The following CNTN5 variants were observed in gnomAD, a reference collection of about 807,000 sequenced individuals.
CNTN5 encodes contactin 5.
A neutral mutation model predicts 129.1 loss-of-function variants in CNTN5; 77 were observed. That is an observed-to-expected ratio of 0.60 (90% CI 0.50 to 0.72). The LOEUF (loss-of-function observed/expected upper bound fraction) is 0.72. Ranked by LOEUF, CNTN5 falls within the 30% of genes least tolerant of loss-of-function variation. CNTN5 has a pLI of 0.00. For synonymous variants in CNTN5, 509 were observed against 465.6 expected (o/e 1.09, Z -1.20); for missense variants, 1,478 against 1,328.8 (o/e 1.11, Z -1.75).
intron 15 of CNTN5, among the ~76,000 whole-genome samples, chr11:100,206,207 G>C (rs1397654256): frequency 6.6e-6 from 1 of 152,084 alleles, no homozygotes; most frequent in Non-Finnish European, 1.5e-5. Context: ...AACAGAGTAA[G>C]TTTTGCAGAC....
intron 1 of CNTN5, among the ~76,000 whole-genome samples, chr11:99,284,527 A>G (rs1454542382): frequency 6.6e-6 from 1 of 151,100 alleles, no homozygotes; most frequent in African/African-American, 2.4e-5. Flanking sequence ...CCAGTGGTCT[A>G]TTTAGGACCT....
intron 1 of CNTN5, among the ~76,000 whole-genome samples, chr11:99,052,697 C>T (rs1591109969): frequency 6.6e-6 from 1 of 151,798 alleles, no homozygotes; most frequent in Non-Finnish European, 1.5e-5. Flanking sequence ...ACTCTCACCT[C>T]TGAAAGACAT....
intron 9 of CNTN5, among the ~76,000 whole-genome samples, chr11:100,012,848 G>A (rs1940608573): frequency 6.6e-6 from 1 of 152,120 alleles, no homozygotes. Flanking sequence ...TCCCCAAATT[G>A]TAAGATTTTT....
At chr11:99,034,384 G>T (rs1863586955) in intron 1 of CNTN5, among the ~76,000 whole-genome samples, 1 of 151,682 alleles carries the variant, frequency 6.6e-6, no homozygotes, top group African/African-American at 2.4e-5. Flanking sequence ...ATTCGGCTGT[G>T]AATCCATCTG....
chr11:99,858,417 G>C (rs140897533), intron 6 of CNTN5, among the ~76,000 whole-genome samples: 2 of 152,036 alleles, frequency 1.3e-5, no homozygotes, highest in Non-Finnish European at 2.9e-5. Context: ...ATAATGTCTG[G>C]TATGGAACTA....
chr11:99,474,437 G>T (rs535788441), intron 2 of CNTN5, among the ~76,000 whole-genome samples: 1 of 151,876 alleles, frequency 6.6e-6, no homozygotes, highest in South Asian at 2.1e-4. Context: ...GTATGCCCTT[G>T]TTCACATATT....
intron 3 of CNTN5, among the ~76,000 whole-genome samples, chr11:99,753,641 A>G (rs1308157999): frequency 1.5e-5 from 2 of 131,102 alleles, no homozygotes; most frequent in African/African-American, 5.7e-5. Context: ...TCTCTGTCCA[A>G]ATTTTTACTG....
At chr11:100,210,212 C>G (rs866239862) in intron 15 of CNTN5, among the ~76,000 whole-genome samples, 15 of 150,118 alleles carry the variant, frequency 1.0e-4, no homozygotes, top group Admixed American at 2.7e-4. Context: ...ATTATCCAGG[C>G]TTGATGGCAT....
rs146602992 is a variant in CNTN5 at position 100,351,617 on chromosome 11, T to G, written c.3199+747T>G. On this transcript the variant is annotated intron_variant, in intron 24 of 24. Coordinates refer to ENST00000524871, the MANE Select transcript of CNTN5 (RefSeq NM_014361.4). ...GAAAACTGATTAAAGGAAGCAAGATTTTAGAAATTTAGAAGAAAGCAACCA... is the reference window on the plus strand; with the variant it reads ...GAAAACTGATTAAAGGAAGCAAGATGTTAGAAATTTAGAAGAAAGCAACCA... Among the ~76,000 whole-genome samples the G allele has an allele frequency of 1.7e-4, 26 of 149,392 alleles. No individual in the cohort carries two copies. In the East Asian group the frequency reaches 5.1e-3, roughly 29 times the overall value.
At chr11:99,755,011 A>G (rs1030522108) in intron 3 of CNTN5, among the ~76,000 whole-genome samples, 1 of 152,168 alleles carries the variant, frequency 6.6e-6, no homozygotes, top group Non-Finnish European at 1.5e-5. Flanking sequence ...TTGGAATCAT[A>G]CAGTAGGTAG....
chr11:99,136,995 GAACAAGCA>G (rs1859264736), intron 1 of CNTN5, among the ~76,000 whole-genome samples: 1 of 152,078 alleles, frequency 6.6e-6, no homozygotes, highest in South Asian at 2.1e-4. Context: ...ATCACATATT[GAACAAGCA>G]ATATATCTAC....
At chr11:99,467,254 T>C (rs1944981133) in intron 2 of CNTN5, among the ~76,000 whole-genome samples, 1 of 152,160 alleles carries the variant, frequency 6.6e-6, no homozygotes, top group South Asian at 2.1e-4. Flanking sequence ...TGGGTCTTTC[T>C]TGGGAACTTT....
At chr11:100,109,523 C>T (rs1945573973) in intron 13 of CNTN5, among the ~76,000 whole-genome samples, 1 of 152,302 alleles carries the variant, frequency 6.6e-6, no homozygotes, top group South Asian at 2.1e-4. Flanking sequence ...TGGCAACTAT[C>T]TCTTCCACTT....
intron 1 of CNTN5, among the ~76,000 whole-genome samples, chr11:99,220,654 A>C (rs1860353491): frequency 6.6e-6 from 1 of 152,018 alleles, no homozygotes; most frequent in African/African-American, 2.4e-5. Context: ...CCAAAAGAGC[A>C]CACTTAAGTT....
intron 15 of CNTN5, among the ~76,000 whole-genome samples, chr11:100,219,310 TA>T (rs2138612581): frequency 6.6e-6 from 1 of 152,314 alleles, no homozygotes; most frequent in Admixed American, 6.5e-5. Flanking sequence ...ATATACTGAA[TA>T]AACAATAAAG....
At chr11:99,221,349 A>G (rs945859073) in intron 1 of CNTN5, among the ~76,000 whole-genome samples, 8 of 151,950 alleles carry the variant, frequency 5.3e-5, no homozygotes, top group Non-Finnish European at 7.4e-5. Context: ...GTAACAGATG[A>G]AAAATTATTT....
intron 13 of CNTN5, among the ~76,000 whole-genome samples, chr11:100,116,003 C>T (rs1241521505): frequency 6.6e-6 from 1 of 151,978 alleles, no homozygotes; most frequent in African/African-American, 2.4e-5. Flanking sequence ...ATGGATCTGT[C>T]TGAAGCCATT....
chr11:99,846,869 G>A (rs1259047269), intron 6 of CNTN5, among the ~76,000 whole-genome samples: 1 of 151,940 alleles, frequency 6.6e-6, no homozygotes, highest in Non-Finnish European at 1.5e-5. Flanking sequence ...AATTCAGATA[G>A]GTACATTTAC....
chr11:99,553,369 C>T (rs1948557720), intron 2 of CNTN5, among the ~76,000 whole-genome samples: 1 of 151,944 alleles, frequency 6.6e-6, no homozygotes, highest in Non-Finnish European at 1.5e-5. Context: ...TTGATTATAA[C>T]TTAACCTTGC....
Sources: gnomAD v4.1 joint callset for allele counts (sites outside exome capture counted in the v4.1 genomes callset) on GRCh38, gnomAD v4.1.1 for gene constraint, MANE v1.5 for transcripts, NCBI Gene and HGNC (gene_info 2026-07-23, HGNC 2026-07-21) for gene names.